Variants in SH3TC1 observed in about 807,000 individuals in gnomAD.
The protein encoded by SH3TC1 is SH3 domain and tetratricopeptide repeats 1, also known as SH3 domain and tetratricopeptide repeat-containing protein 1.
In SH3TC1, 135 loss-of-function variants were observed where a neutral mutation model predicts 117.3. That is an observed-to-expected ratio of 1.15 (90% confidence interval 1.00 to 1.33). The LOEUF (loss-of-function observed/expected upper bound fraction) is 1.33. Among genes scored for constraint, SH3TC1 ranks in the 40% most tolerant of loss-of-function variants. SH3TC1 has a pLI of 0.00. For missense variants in SH3TC1, 2,092 were observed against 1,794.3 expected, an observed-to-expected ratio of 1.17 and a Z score of -3.00; for synonymous variants, 898 against 816.9, an observed-to-expected ratio of 1.10 and a Z score of -1.69.
intron 12 of SH3TC1, among the ~76,000 whole-genome samples, chr4:8,230,264 TC>T (rs1290376956): frequency 2.0e-5 from 3 of 152,250 alleles, no homozygotes; most frequent in Non-Finnish European, 4.4e-5. Context: ...GTTCCCTCTT[TC>T]ATTTCTGATT....
At position 8,228,576 on chromosome 4, in the gene SH3TC1, C is replaced by T. The variant is rs572107586; in HGVS notation, c.2882C>T (p.Pro961Leu). ...QLGHLCTRQG[P>L]AQQGKGYYEW... ...GGCCATCTCTGCACCCGCCAGGGCC[C>T]GGCCCAGCAGGGCAAGGGCTACTAC... The change falls in exon 12 of 18, where the codon CCG becomes CTG. Residue 961 changes from proline (P) to leucine (L), a missense_variant. Physicochemically the swap from Pro to Leu is moderately conservative, Grantham distance 98. Transcript: ENST00000245105. 65 of 1,594,256 alleles carry T rather than the reference C, an allele frequency of 4.1e-5. No individual in the cohort carries two copies. The highest frequency in any genetic ancestry group is 1.2e-4 in the Admixed American group (7 of 58,314).
rs1717386631 is a variant in SH3TC1 at position 8,190,589 on chromosome 4, C to T, written c.-57+8379C>T. 6.6e-6 allele frequency among the ~76,000 whole-genome samples: 1 copy of T among 152,156 alleles called. No homozygotes were observed. Among genetic ancestry groups the T allele is most frequent in the Non-Finnish European group, 1.5e-5 (1 of 68,022 alleles). ...CTGTGCACTCTCTCGGTCACCCACA[C>T]CCCACCAGCCGGCTGGTCCACAGGG... On this transcript the variant is annotated intron_variant, in intron 1 of 16. Transcript: ENST00000508641. This position sits in a 1 kb window ranked among gnomAD's most constrained non-coding sequence, Gnocchi z 4.7.
chr4:8,200,046 G>T (rs1035001591), intron 1 of SH3TC1, among the ~76,000 whole-genome samples: 2 of 152,242 alleles, frequency 1.3e-5, no homozygotes, highest in Non-Finnish European at 2.9e-5. Context: ...CTGGGCCTGT[G>T]CGTGATCCCC....
rs1053393912 is a variant in SH3TC1, at chr4:8,206,323, C to T, written c.172+957C>T. ...GCGGCTCAGAGGTTTGGGGTGGGGC[C>T]TGGGCCTGGGGAGCCCACCTGGCCA... On this transcript the variant is annotated intron_variant, in intron 2 of 17. Coordinates refer to ENST00000245105, the MANE Select transcript of SH3TC1 (RefSeq NM_018986.5). The surrounding 1 kb of genome is among the most constrained non-coding windows in gnomAD (Gnocchi z 5.5). 2.0e-5 allele frequency among the ~76,000 whole-genome samples: 3 copies of T among 150,998 alleles called. No individual in the cohort carries two copies. The highest frequency in any genetic ancestry group is 7.3e-5 in the African/African-American group (3 of 41,048).
In SH3TC1 at chr4:8,205,575, C is replaced by A; in HGVS notation, c.172+209C>A. On this transcript the variant is annotated intron_variant, in intron 2 of 17. Coordinates refer to ENST00000245105, the MANE Select transcript of SH3TC1 (RefSeq NM_018986.5). The surrounding 1 kb of genome is among the most constrained non-coding windows in gnomAD (Gnocchi z 5.4). ...CGCTGAGTCACTTGAGAGGCCAGGG[C>A]CCAGCTCGTGTTTTTCCAGGGACGC... 1.2e-6 allele frequency: 1 copy of A among 810,162 alleles called. No homozygotes were observed. The allele number at this position is 810,162 out of a possible 1,614,324, so 50.2% of individuals were successfully genotyped here. A position where few individuals can be genotyped will look rare whatever the true frequency, so the allele number is the denominator to read the frequency against.
intron 17 of SH3TC1, among the ~76,000 whole-genome samples, chr4:8,238,787 G>T (rs184547106): frequency 2.0e-5 from 3 of 152,188 alleles, no homozygotes; most frequent in Admixed American, 6.5e-5. Flanking sequence ...TCTTAGTCAT[G>T]CCTGCTGCCC....
At chr4:8,234,018 CATCA>C (rs1455814385) in intron 14 of SH3TC1, among the ~76,000 whole-genome samples, 1 of 124,066 alleles carries the variant, frequency 8.1e-6, no homozygotes, top group African/African-American at 2.9e-5. Context: ...TTTATCCATC[CATCA>C]TCCATCCATC....
Position 8,206,048 on chromosome 4 carries a change from G to T in SH3TC1, c.172+682G>T, listed in dbSNP as rs749775644. 2.1e-5 allele frequency: 5 copies of T among 243,496 alleles called. No individual in the cohort carries two copies. Among genetic ancestry groups the T allele is most frequent in the Non-Finnish European group, 3.2e-5 (4 of 125,324 alleles). The allele number at this position is 243,496 out of a possible 1,614,324, so 15.1% of individuals were successfully genotyped here. A position where few individuals can be genotyped will look rare whatever the true frequency, so the allele number is the denominator to read the frequency against. On this transcript the variant is annotated intron_variant, in intron 2 of 17. Transcript: ENST00000245105. The surrounding 1 kb of genome is among the most constrained non-coding windows in gnomAD (Gnocchi z 5.5). ...CTTAGCTGCCTATGTCCCTGTCTTGGGACTCCAGGGCTTGGCACATGGTAG... is the reference window on the plus strand; with the variant it reads ...CTTAGCTGCCTATGTCCCTGTCTTGTGACTCCAGGGCTTGGCACATGGTAG...
intron 1 of SH3TC1, among the ~76,000 whole-genome samples, chr4:8,200,334 C>T (rs1012234826): frequency 1.3e-5 from 2 of 152,174 alleles, no homozygotes; most frequent in Non-Finnish European, 2.9e-5. Flanking sequence ...GGGCTCTGAC[C>T]ACCTGGGTTC....
intron 12 of SH3TC1, chr4:8,229,167 G>A (rs1004218886): frequency 1.4e-4 from 21 of 152,698 alleles, no homozygotes; most frequent in Non-Finnish European, 1.3e-4. Flanking sequence ...AGTGTGCCAC[G>A]TCCCACCCAC....
In SH3TC1 at chr4:8,241,079, G is replaced by T. The variant is rs543939480; in HGVS notation, c.*124G>T. 3 of 1,372,162 alleles carry T rather than the reference G, an allele frequency of 2.2e-6. No individual in the cohort carries two copies. Among genetic ancestry groups the T allele is most frequent in the South Asian group, 2.9e-5 (2 of 69,536 alleles). 85.0% of individuals were successfully genotyped at this position (1,372,162 alleles called of 1,614,324 possible). The stretch of plus-strand genomic sequence containing the variant: ...ACGCAGGGGCCAAATAGCAATAAAT[G>T]GGTTTTGTTTTTTTTTTGCAATAAC... On this transcript the variant is annotated 3_prime_UTR_variant, in exon 18 of 18. Coordinates refer to ENST00000245105, the MANE Select transcript of SH3TC1 (RefSeq NM_018986.5).
intron 1 of SH3TC1, among the ~76,000 whole-genome samples, chr4:8,194,100 G>C (rs1473301850): frequency 6.6e-6 from 1 of 152,204 alleles, no homozygotes; most frequent in Admixed American, 6.5e-5. Flanking sequence ...CAGGGAGCCT[G>C]GTCAGCACTC....
Position 8,212,845 on chromosome 4 carries a change from G to C in SH3TC1, c.375+17G>C. The C allele has an allele frequency of 1.3e-6, 2 of 1,544,708 alleles. No individual in the cohort carries two copies. Among genetic ancestry groups the C allele is most frequent in the South Asian group, 1.2e-5 (1 of 81,930 alleles). The stretch of plus-strand genomic sequence containing the variant: ...GTGCTTGGGGTGAGTAGCCCTCTGG[G>C]GCCTGCTCAGGGATGGGAGCTGGAG... On this transcript the variant is annotated intron_variant, in intron 4 of 17. Transcript: ENST00000245105.
In SH3TC1 at chr4:8,209,947, T is replaced by C. The variant is rs1718507966; in HGVS notation, c.247+125T>C. On this transcript the variant is annotated intron_variant, in intron 3 of 17. Transcript: ENST00000245105. This position sits in a 1 kb window ranked among gnomAD's most constrained non-coding sequence, Gnocchi z 5.9. ...CCTCAGACTTCCCACCTTAAAATCA[T>C]GATGGGAATAGAAAGAAGGGTTTGT... The C allele has an allele frequency of 2.1e-6, 2 of 964,736 alleles. No individual in the cohort carries two copies. Among genetic ancestry groups the C allele is most frequent in the Non-Finnish European group, 3.1e-6 (2 of 649,630 alleles). The allele number at this position is 964,736 out of a possible 1,614,324, so 59.8% of individuals were successfully genotyped here.
intron 12 of SH3TC1, 87 bp downstream of exon 12, chr4:8,228,731 G>A: frequency 1.8e-6 from 2 of 1,135,038 alleles, no homozygotes; most frequent in Non-Finnish European, 2.4e-6. Context: ...ACAAGCGGTG[G>A]TTTTTCCACC....
At chr4:8,240,219 G>A (rs922519) in intron 17 of SH3TC1, among the ~76,000 whole-genome samples, 2,958 of 152,300 alleles carry the variant, frequency 0.019, 99 homozygotes, top group African/African-American at 0.067. Flanking sequence ...ATCACACTCC[G>A]TCAATATTTC....
rs573745730 is a variant in SH3TC1, at chr4:8,183,424, A to G, written c.-57+1214A>G. 9.3e-4 allele frequency among the ~76,000 whole-genome samples: 141 copies of G among 152,208 alleles called. 1 individual carries two copies. The highest frequency in any genetic ancestry group is 3.3e-3 in the African/African-American group (135 of 41,534). On this transcript the variant is annotated intron_variant, in intron 1 of 16. Coordinates refer to the SH3TC1 transcript ENST00000508641. The surrounding 1 kb of genome is among the most constrained non-coding windows in gnomAD (Gnocchi z 5.4). ...TCTGTGATTAACTCACTCCCTGTACAGTAGAGGGAGGCGTGGCCCAGGGAG... is the reference window on the plus strand; with the variant it reads ...TCTGTGATTAACTCACTCCCTGTACGGTAGAGGGAGGCGTGGCCCAGGGAG...
chr4:8,216,812 C>A (rs1320330420), intron 6 of SH3TC1, 145 bp from the exon 7 acceptor site: 3 of 776,196 alleles, frequency 3.9e-6, no homozygotes, highest in African/African-American at 1.7e-5. Context: ...CTTCTGAGCC[C>A]CTTTGGGTCT....
chr4:8,200,159 G>A (rs1242012009), intron 1 of SH3TC1, among the ~76,000 whole-genome samples: 1 of 152,256 alleles, frequency 6.6e-6, no homozygotes, highest in South Asian at 2.1e-4. Flanking sequence ...GCTGGGGGGT[G>A]TTAGCGGTGT....
Sources: gnomAD v4.1 joint callset for allele counts (sites outside exome capture counted in the v4.1 genomes callset) on GRCh38, gnomAD v4.1.1 for gene constraint, Gnocchi (gnomAD v3.1) non-coding constraint, MANE v1.5 for transcripts, NCBI Gene and HGNC (gene_info 2026-07-23, HGNC 2026-07-21) for gene names.